The following GDA variants were observed in gnomAD, a reference collection of about 807,000 sequenced individuals.
GDA encodes cytoplasmic PSD-95 interactor.
Under a neutral mutation model 59.6 loss-of-function variants are expected in GDA, and 18 were observed. That is an observed-to-expected ratio of 0.30 (90% CI 0.21 to 0.45). The LOEUF (loss-of-function observed/expected upper bound fraction) is 0.45. Among genes scored for constraint, GDA ranks in the 20% least tolerant of loss-of-function variants. The probability of loss-of-function intolerance (pLI) is 1.00; values close to 1 mark genes in which losing one functional copy is unlikely to be tolerated. For synonymous variants in GDA, 201 were observed against 201.1 expected (o/e 1.00, Z 0.00); for missense variants, 427 against 552.3 (o/e 0.77, Z 2.27).
At position 72,223,135 on chromosome 9, in the gene GDA, C is replaced by A. The variant is rs1162465909; in HGVS notation, c.622C>A (p.Pro208Thr). The change falls in exon 7 of 14, where the codon CCC (proline) becomes ACC (threonine). Residue 208 changes from proline to threonine, a missense_variant. Transcript: ENST00000358399. ...MLQKNYSRVK[P>T]IVTPRFSLSC... ...TTATCTCCAGTATTCTAGAGTGAAG[C>A]CCATAGTGACACCACGTTTTTCCCT... 2.5e-6 allele frequency: 4 copies of A among 1,587,428 alleles called. No homozygotes were observed. Among genetic ancestry groups the A allele is most frequent in the Non-Finnish European group, 3.5e-6 (4 of 1,155,916 alleles).
intron 5 of GDA, among the ~76,000 whole-genome samples, chr9:72,215,826 A>C (rs1564091550): frequency 1.3e-5 from 2 of 152,250 alleles, no homozygotes. Flanking sequence ...AGAATCATAA[A>C]AAGTAAAGAT....
chr9:72,226,595 T>C (rs1042660160), intron 8 of GDA, among the ~76,000 whole-genome samples: 1 of 152,262 alleles, frequency 6.6e-6, no homozygotes, highest in African/African-American at 2.4e-5. Context: ...CAATGAAATG[T>C]ACAAACCGCA....
intron 10 of GDA, among the ~76,000 whole-genome samples, chr9:72,231,396 C>G (rs541783260): frequency 8.6e-5 from 13 of 151,904 alleles, no homozygotes; most frequent in Admixed American, 8.5e-4. Flanking sequence ...GAAACCTCGT[C>G]TCTACTAAAA....
chr9:72,255,343 T>C (rs1213001260), downstream of GDA, among the ~76,000 whole-genome samples: 1 of 152,180 alleles, frequency 6.6e-6, no homozygotes, highest in Admixed American at 6.5e-5. Context: ...GGGAGTGTCT[T>C]ATGCTAATGA....
chr9:72,154,687 G>A (rs969362599), intron 1 of GDA, among the ~76,000 whole-genome samples: 7 of 152,200 alleles, frequency 4.6e-5, no homozygotes, highest in African/African-American at 1.7e-4. Flanking sequence ...ACTAACAGAT[G>A]AGGAAGTTGA....
intron 3 of GDA, among the ~76,000 whole-genome samples, chr9:72,210,416 A>G (rs1835212882): frequency 6.6e-6 from 1 of 152,204 alleles, no homozygotes; most frequent in Non-Finnish European, 1.5e-5. Flanking sequence ...AATCCTAAGA[A>G]AGAAGGAATT....
intron 1 of GDA, among the ~76,000 whole-genome samples, chr9:72,165,691 A>G (rs1385828536): frequency 1.3e-5 from 2 of 152,282 alleles, no homozygotes; most frequent in Admixed American, 1.3e-4. Context: ...GGAGATCAGG[A>G]GTTCAAGACC....
At chr9:72,134,786 AC>A (rs1429663562) in intron 1 of GDA, among the ~76,000 whole-genome samples, 1 of 152,208 alleles carries the variant, frequency 6.6e-6, no homozygotes, top group Admixed American at 6.5e-5. Context: ...AAAAAAGAGT[AC>A]ATAGAATTGA....
rs533203809 is a variant in GDA, at chr9:72,216,820, C to T, written c.579-2659C>T. 7.2e-5 allele frequency among the ~76,000 whole-genome samples: 11 copies of T among 152,104 alleles called. No individual in the cohort carries two copies. The East Asian group carries it at 1.2e-3, about 16-fold the overall frequency. ...CCTCCCAAGTAGCTGCGACTACAGG[C>T]GCCCGCCACCACGCCCAGCTAATTT... On this transcript the variant is annotated intron_variant, in intron 5 of 13. Coordinates refer to ENST00000358399, the MANE Select transcript of GDA (RefSeq NM_004293.5).
chr9:72,234,238 T>C lies in GDA; in HGVS notation c.988+3057T>C, dbSNP rs1838705010. ...GATATTGGTAGAAATCAGAAAGTGG[T>C]TGCCAAATGTTGTAGGTAAGAATTT... On this transcript the variant is annotated intron_variant, in intron 10 of 13. Transcript: ENST00000358399. 2.0e-5 allele frequency among the ~76,000 whole-genome samples: 3 copies of C among 152,158 alleles called. No homozygotes were observed. In the South Asian group the frequency reaches 6.2e-4, roughly 31 times the overall value.
At chr9:72,179,479 C>A (rs1228521588) in intron 1 of GDA, among the ~76,000 whole-genome samples, 1 of 152,158 alleles carries the variant, frequency 6.6e-6, no homozygotes, top group Non-Finnish European at 1.5e-5. Context: ...TAGTAAATAG[C>A]AGAATCTTGA....
chr9:72,219,295 C>T (rs1013228793), intron 5 of GDA, among the ~76,000 whole-genome samples, 184 bp from the exon 6 acceptor site: 1 of 151,784 alleles, frequency 6.6e-6, no homozygotes, highest in African/African-American at 2.4e-5. Flanking sequence ...CCCAGCTACT[C>T]GGGAGGCTGA....
At chr9:72,171,717 A>G (rs190385136) in intron 1 of GDA, among the ~76,000 whole-genome samples, 93 of 152,160 alleles carry the variant, frequency 6.1e-4, no homozygotes, top group African/African-American at 2.2e-3. Flanking sequence ...AGGTCCTGCA[A>G]AGTGCTACCT....
chr9:72,193,856 G>C (rs1293493004), intron 1 of GDA: 1 of 152,236 alleles, frequency 6.6e-6, no homozygotes, highest in Non-Finnish European at 1.5e-5. Context: ...CAAACCACAA[G>C]ATACAGTCCT....
chr9:72,214,714 C>T, intron 5 of GDA: 1 of 339,628 alleles, frequency 2.9e-6, no homozygotes, highest in South Asian at 2.3e-5. Context: ...ACTCTAAATT[C>T]AAAGTTCTTT....
intron 13 of GDA, 35 bp downstream of exon 13, chr9:72,247,468 A>G: frequency 8.8e-7 from 1 of 1,138,830 alleles, no homozygotes. Flanking sequence ...TAAATATTAA[A>G]TAGAACCTTT....
At chr9:72,166,559 T>C (rs932093051) in intron 1 of GDA, among the ~76,000 whole-genome samples, 1 of 152,082 alleles carries the variant, frequency 6.6e-6, no homozygotes, top group Non-Finnish European at 1.5e-5. Context: ...AAATAATAAA[T>C]ACTCAAGATG....
In GDA at chr9:72,248,547, T is replaced by C; in HGVS notation, c.*205T>C. The C allele has an allele frequency of 2.2e-6, 3 of 1,382,842 alleles. No individual in the cohort carries two copies. The highest frequency in any genetic ancestry group is 2.8e-6 in the Non-Finnish European group (3 of 1,069,708). 85.7% of individuals were successfully genotyped at this position (1,382,842 alleles called of 1,614,324 possible). ...CTCTGGTTGAGAGGGTTCATAAATTTCATGAAAATATCTCCCTTTGGAGCT... is the reference window on the plus strand; with the variant it reads ...CTCTGGTTGAGAGGGTTCATAAATTCCATGAAAATATCTCCCTTTGGAGCT... On this transcript the variant is annotated 3_prime_UTR_variant, in exon 14 of 14. Coordinates refer to ENST00000358399, the MANE Select transcript of GDA (RefSeq NM_004293.5).
At position 72,165,909 on chromosome 9, in the gene GDA, A is replaced by G. The variant is rs535447532; in HGVS notation, c.123+16227A>G. On this transcript the variant is annotated intron_variant, in intron 1 of 13. Transcript: ENST00000358399. ...CAAGACTCTGTCTCAAAAAAAAAAA[A>G]AACAACAAAAAATGCGGCTTGTTCC... 2.0e-5 allele frequency among the ~76,000 whole-genome samples: 3 copies of G among 151,854 alleles called. No homozygotes were observed. The South Asian group carries it at 6.3e-4, about 32-fold the overall frequency.
Sources: gnomAD v4.1 joint callset for allele counts (sites outside exome capture counted in the v4.1 genomes callset) on GRCh38, gnomAD v4.1.1 for gene constraint, MANE v1.5 for transcripts, NCBI Gene and HGNC (gene_info 2026-07-23, HGNC 2026-07-21) for gene names.